The following TMEFF2 variants were observed in gnomAD, a reference collection of about 807,000 sequenced individuals.
TMEFF2 encodes transmembrane protein with EGF like and two follistatin like domains 2, also known as tomoregulin-2.
Under a neutral mutation model 53.8 loss-of-function variants are expected in TMEFF2, and 28 were observed. That is an observed-to-expected ratio of 0.52 (90% CI 0.39 to 0.71). The LOEUF is 0.71. Ranked by LOEUF, TMEFF2 falls within the 30% of genes least tolerant of loss-of-function variation. The pLI, the probability that TMEFF2 is intolerant of heterozygous loss-of-function variation, is 0.00. For missense variants in TMEFF2, 353 were observed against 455.2 expected (o/e 0.78, Z 2.04); for synonymous variants, 162 against 166.3 (o/e 0.97, Z 0.20).
chr2:192,083,078 T>C (rs1213030587), intron 4 of TMEFF2, among the ~76,000 whole-genome samples: 1 of 152,072 alleles, frequency 6.6e-6, no homozygotes, highest in East Asian at 1.9e-4. Flanking sequence ...TATAATATTA[T>C]GTGCTAAATC....
Position 192,194,425 on chromosome 2 carries a change from G to A in TMEFF2, c.100C>T (p.Arg34Cys). 2 of 1,614,142 alleles carry A rather than the reference G, an allele frequency of 1.2e-6. No individual in the cohort carries two copies. Among genetic ancestry groups the A allele is most frequent in the East Asian group, 2.2e-5 (1 of 44,864 alleles). ...LLPVMLLIVA[R>C]PVKLAAFPTS... ...GGGAAAGCAGCGAGCTTCACCGGGC[G>A]GGCTACGATGAGTAGCATGACGGGC... Residue 34 changes from arginine (R) to cysteine (C), a missense_variant, in exon 1 of 10, where the codon CGC becomes TGC. Around this residue, in one of 3 missense-constraint regions of TMEFF2, gnomAD observed 54 missense variants for 41.8 expected, o/e 1.29. Transcript: ENST00000272771. This position sits in a 1 kb window ranked among gnomAD's most constrained non-coding sequence, Gnocchi z 4.2.
chr2:192,081,800 CTTTTTTTTTTT>C lies in TMEFF2; in HGVS notation c.440-24036_440-24026del, dbSNP rs900552541. Among the ~76,000 whole-genome samples the C allele has an allele frequency of 2.0e-4, 26 of 130,354 alleles. No homozygotes were observed. In the East Asian group the frequency reaches 5.4e-3, roughly 27 times the overall value. The allele number at this position is 130,354 out of a possible 152,430, so 85.5% of individuals were successfully genotyped here. A position where few individuals can be genotyped will look rare whatever the true frequency, so the allele number is the denominator to read the frequency against. On this transcript the variant is annotated intron_variant, in intron 4 of 9. Transcript: ENST00000272771. ...GTACCATAATTATTAAACGATTTCC[CTTTTTTTTTTT>C]TTTTTTTTGACATGGAGTCTCGCTC...
chr2:192,083,004 G>A (rs915058783), intron 4 of TMEFF2, among the ~76,000 whole-genome samples: 7 of 146,822 alleles, frequency 4.8e-5, no homozygotes, highest in Admixed American at 2.1e-4. Flanking sequence ...TTACCTCTGC[G>A]TTCTTCTGTG....
chr2:191,987,862 CAT>C (rs1442622287), intron 7 of TMEFF2, among the ~76,000 whole-genome samples: 1 of 152,076 alleles, frequency 6.6e-6, no homozygotes, highest in Non-Finnish European at 1.5e-5. Context: ...AGATAACACA[CAT>C]ATAATTTCTA....
At chr2:192,116,974 C>T (rs939507783) in intron 4 of TMEFF2, among the ~76,000 whole-genome samples, 3 of 151,924 alleles carry the variant, frequency 2.0e-5, no homozygotes, top group Non-Finnish European at 2.9e-5. Flanking sequence ...TTTTCAAAAA[C>T]GTATTTTTCT....
chr2:192,003,942 A>C (rs1298845447), intron 5 of TMEFF2, among the ~76,000 whole-genome samples: 5 of 140,646 alleles, frequency 3.6e-5, no homozygotes, highest in African/African-American at 8.1e-5. Flanking sequence ...GGGGGGGCTC[A>C]CACTCACCTC....
chr2:192,190,094 A>G (rs151039663), intron 2 of TMEFF2, among the ~76,000 whole-genome samples: 1 of 152,350 alleles, frequency 6.6e-6, no homozygotes, highest in East Asian at 1.9e-4. Context: ...ATTTTTGTTG[A>G]TAAAAGTTTT....
chr2:192,059,696 A>G (rs1257237955), intron 4 of TMEFF2, among the ~76,000 whole-genome samples: 4 of 152,168 alleles, frequency 2.6e-5, no homozygotes, highest in African/African-American at 9.7e-5. Context: ...TTGCTATCTC[A>G]GCAGGACTAA....
intron 7 of TMEFF2, among the ~76,000 whole-genome samples, chr2:191,982,897 TATA>T (rs1685887315): frequency 6.6e-6 from 1 of 152,178 alleles, no homozygotes; most frequent in Admixed American, 6.6e-5. Flanking sequence ...TGGTGGATTT[TATA>T]ATAAAAGTCA....
chr2:192,062,068 T>C (rs1345304434), intron 4 of TMEFF2, among the ~76,000 whole-genome samples: 1 of 48,622 alleles, frequency 2.1e-5, no homozygotes, highest in Non-Finnish European at 4.5e-5. Flanking sequence ...ACTAACTCAG[T>C]AGCCTTTAAT....
intron 4 of TMEFF2, among the ~76,000 whole-genome samples, chr2:192,132,488 T>C (rs1387177686): frequency 6.6e-6 from 1 of 151,850 alleles, no homozygotes; most frequent in East Asian, 1.9e-4. Flanking sequence ...TAAATAAAAC[T>C]CCAAAAAATA....
chr2:192,052,454 T>A (rs1050509074), intron 5 of TMEFF2, among the ~76,000 whole-genome samples: 4 of 152,206 alleles, frequency 2.6e-5, no homozygotes, highest in African/African-American at 9.6e-5. Context: ...GAGTTTCCAC[T>A]GACCTACTTT....
At chr2:192,150,891 T>C (rs1690369663) in intron 4 of TMEFF2, among the ~76,000 whole-genome samples, 1 of 151,796 alleles carries the variant, frequency 6.6e-6, no homozygotes, top group African/African-American at 2.4e-5. Flanking sequence ...TATGAGTTTT[T>C]CTCCCTTAGA....
intron 5 of TMEFF2, among the ~76,000 whole-genome samples, chr2:192,018,938 C>A (rs1686800784): frequency 6.6e-6 from 1 of 151,864 alleles, no homozygotes; most frequent in Non-Finnish European, 1.5e-5. Flanking sequence ...CTTCTAGCCA[C>A]AATCATATTA....
intron 4 of TMEFF2, among the ~76,000 whole-genome samples, chr2:192,134,498 C>T (rs1574404484): frequency 6.6e-6 from 1 of 152,318 alleles, no homozygotes; most frequent in South Asian, 2.1e-4. Context: ...ATTTCCTTTC[C>T]ATCGTGGAAA....
At chr2:192,008,999 G>A (rs1686565480) in intron 5 of TMEFF2, among the ~76,000 whole-genome samples, 1 of 152,164 alleles carries the variant, frequency 6.6e-6, no homozygotes, top group African/African-American at 2.4e-5. Context: ...TTTGCATTCT[G>A]GTAAAGTTGC....
chr2:192,096,473 T>C (rs531507416), intron 4 of TMEFF2, among the ~76,000 whole-genome samples: 5 of 152,234 alleles, frequency 3.3e-5, no homozygotes, highest in South Asian at 2.1e-4. Flanking sequence ...AATTAATCCT[T>C]TATGCCTACA....
chr2:192,126,165 A>C (rs532269373), intron 4 of TMEFF2, among the ~76,000 whole-genome samples: 1 of 152,358 alleles, frequency 6.6e-6, no homozygotes, highest in East Asian at 1.9e-4. Context: ...CAGTGGTAAA[A>C]ATAATACGCA....
chr2:192,169,484 T>G (rs1444775016), intron 4 of TMEFF2, among the ~76,000 whole-genome samples: 1 of 152,188 alleles, frequency 6.6e-6, no homozygotes, highest in African/African-American at 2.4e-5. Flanking sequence ...GGTCTTTGTA[T>G]CTCCTGTTGG....
Sources: gnomAD v4.1 joint callset for allele counts (sites outside exome capture counted in the v4.1 genomes callset) on GRCh38, gnomAD v4.1.1 for gene constraint, gnomAD v4.1.1 regional missense constraint, Gnocchi (gnomAD v3.1) non-coding constraint, MANE v1.5 for transcripts, NCBI Gene and HGNC (gene_info 2026-07-23, HGNC 2026-07-21) for gene names.